Variants in GNAI1 observed in about 807,000 individuals in gnomAD.
GNAI1 encodes guanine nucleotide-binding protein G(i) subunit alpha-1.
Under a neutral mutation model 38.9 loss-of-function variants are expected in GNAI1, and 11 were observed. The observed-to-expected ratio is 0.28, with a 90% CI of 0.18 to 0.47. The LOEUF (loss-of-function observed/expected upper bound fraction) is 0.47, where lower values mean the gene tolerates loss of function less well. Ranked by LOEUF, GNAI1 falls within the 20% of genes least tolerant of loss-of-function variation. The pLI, the probability that GNAI1 is intolerant of heterozygous loss-of-function variation, is 0.99. For synonymous variants in GNAI1, 166 were observed against 145.1 expected (o/e 1.14, Z -1.04); for missense variants, 317 against 436.9 (o/e 0.73, Z 2.45).
chr7:80,176,649 C>T (rs1027851113), intron 1 of GNAI1, among the ~76,000 whole-genome samples: 4 of 152,052 alleles, frequency 2.6e-5, no homozygotes, highest in Admixed American at 6.6e-5. Context: ...ATTATACTAA[C>T]TCTTGGCCAG....
At chr7:80,187,971 C>A (rs1212154210) in intron 1 of GNAI1, among the ~76,000 whole-genome samples, 3 of 152,162 alleles carry the variant, frequency 2.0e-5, no homozygotes, top group African/African-American at 7.2e-5. Context: ...TAGCATAGCA[C>A]TAGGAACTCA....
chr7:80,216,804 C>T (rs2115724957), intron 7 of GNAI1, among the ~76,000 whole-genome samples: 1 of 152,198 alleles, frequency 6.6e-6, no homozygotes, highest in Admixed American at 6.5e-5. Context: ...TACTCCTAAA[C>T]ATCATTGTAG....
At position 80,218,609 on chromosome 7, in the gene GNAI1, T is replaced by C. The variant is rs557093232; in HGVS notation, c.*1116T>C. On this transcript the variant is annotated 3_prime_UTR_variant, in exon 8 of 8. Coordinates refer to ENST00000649796, the MANE Select transcript of GNAI1 (RefSeq NM_002069.6). Reference sequence around the variant, plus strand: ...GCTGATATAATGCAAGATTTAAATTTATACATATAACTAATTTCAAATGTA... The same window carrying C: ...GCTGATATAATGCAAGATTTAAATTCATACATATAACTAATTTCAAATGTA... 4 of 152,176 alleles carry C rather than the reference T, an allele frequency of 2.6e-5. No homozygotes were observed. Among genetic ancestry groups the C allele is most frequent in the African/African-American group, 9.6e-5 (4 of 41,456 alleles). 9.4% of individuals were successfully genotyped at this position (152,176 alleles called of 1,614,324 possible).
chr7:80,135,336 C>T (rs1490427734), intron 1 of GNAI1, 58 bp downstream of exon 1: 3 of 1,028,410 alleles, frequency 2.9e-6, no homozygotes, highest in Non-Finnish European at 3.9e-6. Context: ...CGGCGCTGCG[C>T]GGCCCTCGGC....
intron 4 of GNAI1, among the ~76,000 whole-genome samples, chr7:80,202,075 TTTG>T (rs574296632): frequency 1.3e-5 from 2 of 152,218 alleles, no homozygotes; most frequent in East Asian, 1.9e-4. Context: ...TAGCAGTTTT[TTTG>T]TTGTTGTTGT....
At chr7:80,199,805 C>T (rs1788647061) in intron 4 of GNAI1, among the ~76,000 whole-genome samples, 1 of 152,080 alleles carries the variant, frequency 6.6e-6, no homozygotes, top group Admixed American at 6.6e-5. Context: ...ATGACAGGTA[C>T]TGTAAGTAGG....
rs1323321688 is a variant in GNAI1 at position 80,225,519 on chromosome 7, ACCTC to A, written c.*8029_*8032del. ...TAGCCAAATTCCTTTCTTTCTCCAC[ACCTC>A]CCACAGGACTGGGCTGAGCACAGTC... is the stretch of plus-strand genomic sequence containing the variant. On this transcript the variant is annotated 3_prime_UTR_variant, in exon 8 of 8. Coordinates refer to ENST00000649796, the MANE Select transcript of GNAI1 (RefSeq NM_002069.6). Among the ~76,000 whole-genome samples, 1 of 151,598 alleles carries A rather than the reference ACCTC, an allele frequency of 6.6e-6. No homozygotes were observed. The highest frequency in any genetic ancestry group is 1.5e-5 in the Non-Finnish European group (1 of 67,958).
chr7:80,202,334 C>T (rs1244898284), intron 4 of GNAI1, among the ~76,000 whole-genome samples: 1 of 152,142 alleles, frequency 6.6e-6, no homozygotes, highest in Non-Finnish European at 1.5e-5. Flanking sequence ...GTGATCCGCC[C>T]ACCTCGGCCT....
chr7:80,165,058 C>G (rs1329674426), intron 1 of GNAI1, among the ~76,000 whole-genome samples: 2 of 152,028 alleles, frequency 1.3e-5, no homozygotes, highest in African/African-American at 2.4e-5. Context: ...TTTGTATGTT[C>G]CACCAAGACC....
chr7:80,158,866 A>G (rs987886347), intron 1 of GNAI1, among the ~76,000 whole-genome samples: 9 of 152,076 alleles, frequency 5.9e-5, no homozygotes, highest in African/African-American at 1.9e-4. Context: ...TTCAGCTATA[A>G]TCTTTGACCT....
At chr7:80,217,234 C>CTTCAGTTTCATATGTATGAAAA in intron 7 of GNAI1, 69 bp from the exon 8 acceptor site, 1 of 1,045,086 alleles carries the variant, frequency 9.6e-7, no homozygotes, top group Non-Finnish European at 1.4e-6. Context: ...ATGTATGAAA[C>CTTCAGTTTCATATGTATGAAAA]TGAATTCAGT....
intron 1 of GNAI1, among the ~76,000 whole-genome samples, chr7:80,160,453 T>G (rs972298764): frequency 2.0e-5 from 3 of 152,162 alleles, no homozygotes; most frequent in Non-Finnish European, 4.4e-5. Flanking sequence ...CTAGGATGTA[T>G]TCTGGTATTT....
At chr7:80,196,636 C>G (rs1788579607) in intron 3 of GNAI1, among the ~76,000 whole-genome samples, 1 of 151,800 alleles carries the variant, frequency 6.6e-6, no homozygotes, top group South Asian at 2.1e-4. Context: ...GTTGCTTAAC[C>G]TCTTTGTGCC....
intron 5 of GNAI1, among the ~76,000 whole-genome samples, chr7:80,206,707 C>T (rs1395426672): frequency 6.6e-6 from 1 of 151,846 alleles, no homozygotes; most frequent in African/African-American, 2.4e-5. Flanking sequence ...TCCCCTTATT[C>T]GAGGGGATAC....
At chr7:80,176,244 G>A (rs112019020) in intron 1 of GNAI1, among the ~76,000 whole-genome samples, 126 of 152,300 alleles carry the variant, frequency 8.3e-4, no homozygotes, top group African/African-American at 2.8e-3. Flanking sequence ...AGCCTAAGCC[G>A]TATCTAGGCC....
chr7:80,154,384 G>A (rs1787781186), intron 1 of GNAI1, among the ~76,000 whole-genome samples: 1 of 152,184 alleles, frequency 6.6e-6, no homozygotes, highest in African/African-American at 2.4e-5. Context: ...ACTTGGTGTA[G>A]TTATGAAAAA....
At chr7:80,199,134 C>CTT in intron 3 of GNAI1, 91 bp from the exon 4 acceptor site, 23 of 786,552 alleles carry the variant, frequency 2.9e-5, no homozygotes, top group South Asian at 1.3e-4. Context: ...TCGCTATTGC[C>CTT]TTTTTTTTTT....
At chr7:80,142,834 A>G (rs1448252161) in intron 1 of GNAI1, among the ~76,000 whole-genome samples, 7 of 89,280 alleles carry the variant, frequency 7.8e-5, no homozygotes, top group Admixed American at 1.4e-4. Flanking sequence ...TGCATGATCA[A>G]AATCATGATT....
At chr7:80,206,861 C>A (rs1788785891) in intron 5 of GNAI1, among the ~76,000 whole-genome samples, 1 of 151,984 alleles carries the variant, frequency 6.6e-6, no homozygotes, top group Non-Finnish European at 1.5e-5. Flanking sequence ...TAACATAGAA[C>A]AATCATAGCA....
Sources: allele counts gnomAD v4.1 joint callset (sites outside exome capture counted in the v4.1 genomes callset), GRCh38; gene constraint gnomAD v4.1.1; transcripts MANE v1.5; gene names NCBI Gene and HGNC (gene_info 2026-07-23, HGNC 2026-07-21).